The following RELN variants were observed in gnomAD, a reference collection of about 807,000 sequenced individuals.
RELN encodes reelin.
Under a neutral mutation model 427.6 loss-of-function variants are expected in RELN, and 108 were observed. The observed-to-expected ratio is 0.25, with a 90% CI of 0.22 to 0.30. RELN has a LOEUF of 0.30. Among genes scored for constraint, RELN ranks in the 10% least tolerant of loss-of-function variants. RELN has a pLI of 1.00. For synonymous variants in RELN, 1,524 were observed against 1,513.4 expected (o/e 1.01, Z -0.16); for missense variants, 3,715 against 4,302.8 (o/e 0.86, Z 3.82).
In RELN at chr7:103,553,218, T is replaced by C. The variant is rs557549281; in HGVS notation, c.6072+243A>G. 5.3e-5 allele frequency among the ~76,000 whole-genome samples: 8 copies of C among 152,306 alleles called. No homozygotes were observed. The East Asian group carries it at 1.5e-3, about 29-fold the overall frequency. On this transcript the variant is annotated intron_variant, in intron 40 of 64. Transcript: ENST00000428762. ...CATTTTTATAATGTTTAAAATAATT[T>C]ATTTCAACTTCCCATTGTAGCAGGT...
At chr7:103,918,971 G>T (rs1795550622) in intron 1 of RELN, among the ~76,000 whole-genome samples, 2 of 152,112 alleles carry the variant, frequency 1.3e-5, no homozygotes, top group African/African-American at 4.8e-5. Context: ...ATACTTGTTT[G>T]AAATGAATTG....
intron 4 of RELN, among the ~76,000 whole-genome samples, chr7:103,762,810 T>A (rs1158677367): frequency 1.3e-5 from 2 of 152,176 alleles, no homozygotes; most frequent in Non-Finnish European, 2.9e-5. Context: ...AATTGTATAA[T>A]CTGTCTTGCT....
rs946278274 is a variant in RELN, at chr7:103,932,930, C to T, written c.227-15745G>A. ...AGATGCAGACATTGGCAGACAGACA[C>T]GTGCTAGAGCTGCTGGGCTGGAGCA... On this transcript the variant is annotated intron_variant, in intron 1 of 64. Coordinates refer to ENST00000428762, the MANE Select transcript of RELN (RefSeq NM_005045.4). Among the ~76,000 whole-genome samples the T allele has an allele frequency of 5.3e-5, 8 of 152,298 alleles. 1 individual carries two copies. The highest frequency in any genetic ancestry group is 2.6e-4 in the Admixed American group (4 of 15,298).
At chr7:103,803,962 T>A (rs1232433078) in intron 3 of RELN, among the ~76,000 whole-genome samples, 1 of 152,078 alleles carries the variant, frequency 6.6e-6, no homozygotes, top group East Asian at 1.9e-4. Flanking sequence ...TAAAAACCAC[T>A]GAGAATCTTT....
chr7:103,509,966 G>A (rs920294956), intron 51 of RELN, among the ~76,000 whole-genome samples: 15 of 152,238 alleles, frequency 9.9e-5, no homozygotes, highest in Admixed American at 3.3e-4. Context: ...TTAGAATGGC[G>A]ATCATTAAAA....
At chr7:103,482,689 G>C in intron 63 of RELN, 184 bp downstream of exon 63, 3 of 780,762 alleles carry the variant, frequency 3.8e-6, no homozygotes, top group Non-Finnish European at 4.7e-6. Context: ...CATTTCATTC[G>C]GGGCTTTGCT....
chr7:103,840,889 A>T (rs1793535998), intron 2 of RELN, among the ~76,000 whole-genome samples: 1 of 152,214 alleles, frequency 6.6e-6, no homozygotes. Flanking sequence ...AGGATCCATA[A>T]AACAATAATT....
intron 11 of RELN, among the ~76,000 whole-genome samples, chr7:103,679,839 T>C (rs751471876): frequency 7.9e-5 from 12 of 152,212 alleles, no homozygotes; most frequent in Non-Finnish European, 1.5e-4. Context: ...GACTAGTACA[T>C]TAATCTTCTA....
intron 1 of RELN, among the ~76,000 whole-genome samples, chr7:103,987,948 G>T (rs1021201034): frequency 6.6e-6 from 1 of 151,998 alleles, no homozygotes; most frequent in Non-Finnish European, 1.5e-5. Flanking sequence ...AGATATCAAG[G>T]TTTTTTTAAA....
chr7:103,742,207 T>C (rs1023940111), intron 6 of RELN, among the ~76,000 whole-genome samples: 1 of 152,238 alleles, frequency 6.6e-6, no homozygotes, highest in African/African-American at 2.4e-5. Context: ...CTAAGGGTCC[T>C]GTCTGTTAGA....
intron 1 of RELN, among the ~76,000 whole-genome samples, chr7:103,960,078 C>T (rs1796516421): frequency 6.6e-6 from 1 of 152,186 alleles, no homozygotes; most frequent in Non-Finnish European, 1.5e-5. Context: ...ATTCTCAATT[C>T]AGCAGCCAGA....
intron 52 of RELN, among the ~76,000 whole-genome samples, chr7:103,502,098 C>T (rs1268439179): frequency 6.6e-6 from 1 of 152,160 alleles, no homozygotes; most frequent in Non-Finnish European, 1.5e-5. Context: ...AATCAACCAG[C>T]CCTAGAGTTC....
intron 63 of RELN, among the ~76,000 whole-genome samples, chr7:103,481,019 G>C (rs1224531761): frequency 6.6e-6 from 1 of 152,160 alleles, no homozygotes; most frequent in Non-Finnish European, 1.5e-5. Context: ...GACTCTCTTG[G>C]GTGCTGTGTG....
chr7:103,541,128 T>A (rs1027368301), intron 43 of RELN, among the ~76,000 whole-genome samples: 1 of 152,098 alleles, frequency 6.6e-6, no homozygotes, highest in Non-Finnish European at 1.5e-5. Context: ...TTGCTGGGTC[T>A]GGGGATGGAT....
At chr7:103,669,375 A>G (rs2299356) in intron 11 of RELN, among the ~76,000 whole-genome samples, 80,825 of 151,972 alleles carry the variant, frequency 0.53, 21,740 homozygotes, top group South Asian at 0.63. Flanking sequence ...GGAGCCTGTT[A>G]TAGCACAAGC....
At position 103,620,475 on chromosome 7, in the gene RELN, A is replaced by ATT. The variant is rs67744980; in HGVS notation, c.2703-8674_2703-8673dup. On this transcript the variant is annotated intron_variant, in intron 20 of 64. Coordinates refer to ENST00000428762, the MANE Select transcript of RELN (RefSeq NM_005045.4). This position sits in a 1 kb window ranked among gnomAD's most constrained non-coding sequence, Gnocchi z 4.1. ...GTTGAAGATAACTCACCCGATCCAC[A>ATT]TTTTTTTTTTTTTTTTGAGATAGAG... is the stretch of plus-strand genomic sequence containing the variant. 7.3e-6 allele frequency among the ~76,000 whole-genome samples: 1 copy of ATT among 137,862 alleles called. No homozygotes were observed. The allele number at this position is 137,862 out of a possible 152,430, so 90.4% of individuals were successfully genotyped here.
intron 4 of RELN, among the ~76,000 whole-genome samples, chr7:103,756,487 T>C (rs1791157731): frequency 6.6e-6 from 1 of 152,160 alleles, no homozygotes; most frequent in Admixed American, 6.6e-5. Context: ...AGAAAATATG[T>C]CCACCCAAGA....
At chr7:103,574,028 G>T (rs1830940307) in intron 30 of RELN, 64 bp downstream of exon 30, 1 of 1,234,872 alleles carries the variant, frequency 8.1e-7, no homozygotes, top group Non-Finnish European at 1.2e-6. Flanking sequence ...AATGTTTTAA[G>T]TTAGACTACA....
intron 2 of RELN, among the ~76,000 whole-genome samples, chr7:103,849,323 A>G (rs1202330908): frequency 6.6e-6 from 1 of 151,930 alleles, no homozygotes; most frequent in Non-Finnish European, 1.5e-5. Flanking sequence ...ATTTTTTTCA[A>G]CAGAGTCTTC....
Sources: allele counts gnomAD v4.1 joint callset (sites outside exome capture counted in the v4.1 genomes callset), GRCh38; gene constraint gnomAD v4.1.1; non-coding constraint Gnocchi (gnomAD v3.1); transcripts MANE v1.5; gene names NCBI Gene and HGNC (gene_info 2026-07-23, HGNC 2026-07-21).